CADM2: variants seen among roughly 807,000 people sequenced by gnomAD.
CADM2 encodes immunoglobulin superfamily member 4D.
Under a neutral mutation model 49.8 loss-of-function variants are expected in CADM2, and 12 were observed. The observed-to-expected ratio is 0.24, with a 90% CI of 0.15 to 0.39. The LOEUF is 0.39. Among genes scored for constraint, CADM2 ranks in the 10% least tolerant of loss-of-function variants. The pLI, the probability that CADM2 is intolerant of heterozygous loss-of-function variation, is 1.00. For missense variants in CADM2, 378 were observed against 492.3 expected (o/e 0.77, Z 2.20); for synonymous variants, 214 against 175.4 (o/e 1.22, Z -1.74).
intron 1 of CADM2, among the ~76,000 whole-genome samples, chr3:85,530,639 T>C (rs563752807): frequency 1.3e-5 from 2 of 152,084 alleles, no homozygotes; most frequent in South Asian, 4.1e-4. Context: ...CACTTTTCTA[T>C]ATAAATTACC....
At chr3:85,447,847 T>G (rs1396731628) in intron 1 of CADM2, among the ~76,000 whole-genome samples, 1 of 152,196 alleles carries the variant, frequency 6.6e-6, no homozygotes, top group African/African-American at 2.4e-5. Context: ...TAAAATGTAG[T>G]AACTAATTAT....
chr3:85,001,697 GC>G (rs1463251793), intron 1 of CADM2, among the ~76,000 whole-genome samples: 1 of 151,826 alleles, frequency 6.6e-6, no homozygotes, highest in Non-Finnish European at 1.5e-5. Flanking sequence ...GATATGAAAC[GC>G]CTTCTAAGAA....
intron 1 of CADM2, among the ~76,000 whole-genome samples, chr3:85,231,606 A>G (rs1310439471): frequency 6.6e-6 from 1 of 152,072 alleles, no homozygotes; most frequent in Non-Finnish European, 1.5e-5. Context: ...GCCCAGTTCT[A>G]AAAATAAAAG....
Position 85,374,075 on chromosome 3 carries a change from GT to G in CADM2, c.62-352437del, listed in dbSNP as rs369129919. Among the ~76,000 whole-genome samples, 113 of 149,064 alleles carry G rather than the reference GT, an allele frequency of 7.6e-4. 1 individual carries two copies. The highest frequency in any genetic ancestry group is 2.2e-3 in the African/African-American group (91 of 40,758). The stretch of plus-strand genomic sequence containing the variant: ...CAAACTTGATTTCTCCTCAGAAAAT[GT>G]TTTTTTTTTCTATTGCATCATCAGG... On this transcript the variant is annotated intron_variant, in intron 1 of 9. Coordinates refer to ENST00000383699, the MANE Select transcript of CADM2 (RefSeq NM_001167675.2).
chr3:85,554,869 T>G (rs1481000449), intron 1 of CADM2, among the ~76,000 whole-genome samples: 2 of 91,576 alleles, frequency 2.2e-5, no homozygotes, highest in African/African-American at 6.3e-5. Context: ...TTGACTTTAT[T>G]TTTTTTATTT....
At chr3:85,169,029 T>G (rs2040548876) in intron 1 of CADM2, among the ~76,000 whole-genome samples, 1 of 152,194 alleles carries the variant, frequency 6.6e-6, no homozygotes, top group South Asian at 2.1e-4. Context: ...CTCTGCTCAC[T>G]GCAATCTCCA....
rs552292428 is a variant in CADM2 at position 85,681,259 on chromosome 3, A to G, written c.62-45263A>G. Among the ~76,000 whole-genome samples, 4 of 152,274 alleles carry G rather than the reference A, an allele frequency of 2.6e-5. No individual in the cohort carries two copies. In the South Asian group the frequency reaches 6.2e-4, roughly 24 times the overall value. ...AGATGCATCATGAGATGACGTTACCATATAGAATACAGAGGCAGGTGTGAG... is the reference window on the plus strand; with the variant it reads ...AGATGCATCATGAGATGACGTTACCGTATAGAATACAGAGGCAGGTGTGAG... On this transcript the variant is annotated intron_variant, in intron 1 of 9. Transcript: ENST00000383699.
At chr3:86,046,140 C>A (rs1736649977) in intron 8 of CADM2, among the ~76,000 whole-genome samples, 1 of 151,984 alleles carries the variant, frequency 6.6e-6, no homozygotes, top group Admixed American at 6.6e-5. Context: ...AGTAAGAAGC[C>A]AGTTTGATAC....
chr3:85,589,580 A>G (rs1396758304), intron 1 of CADM2, among the ~76,000 whole-genome samples: 4 of 152,038 alleles, frequency 2.6e-5, no homozygotes, highest in Non-Finnish European at 5.9e-5. Context: ...CAGTGTATAA[A>G]TATGGTAACA....
intron 2 of CADM2, among the ~76,000 whole-genome samples, chr3:85,769,204 TATATACATATATAGTATATATACACAC>T (rs1559643809): frequency 8.6e-6 from 1 of 115,674 alleles, no homozygotes; most frequent in East Asian, 2.3e-4. Flanking sequence ...TATATACACA[TATATACATATATAGTATATATACACAC>T]ATATACACAT....
chr3:85,581,078 A>G (rs1000705879), intron 1 of CADM2, among the ~76,000 whole-genome samples: 3 of 152,082 alleles, frequency 2.0e-5, no homozygotes, highest in Admixed American at 2.0e-4. Context: ...AAATGTTCCC[A>G]TAGATTATTT....
At chr3:85,708,098 G>A (rs544804762) in intron 1 of CADM2, among the ~76,000 whole-genome samples, 214 of 152,216 alleles carry the variant, frequency 1.4e-3, no homozygotes, top group African/African-American at 4.6e-3. Context: ...GGTGATATCT[G>A]ATGTCTAGAT....
chr3:85,511,064 T>G (rs142822970), intron 1 of CADM2, among the ~76,000 whole-genome samples: 1 of 152,146 alleles, frequency 6.6e-6, no homozygotes, highest in East Asian at 1.9e-4. Flanking sequence ...TCAACTAATA[T>G]TTCACACGTT....
chr3:85,867,977 G>A, intron 3 of CADM2, among the ~76,000 whole-genome samples: 1 of 151,964 alleles, frequency 6.6e-6, no homozygotes, highest in East Asian at 1.9e-4. Context: ...CAGCTCTACA[G>A]CTTCAAATAG....
chr3:85,930,918 A>G (rs917863542), intron 6 of CADM2, among the ~76,000 whole-genome samples: 2 of 149,448 alleles, frequency 1.3e-5, no homozygotes, highest in African/African-American at 2.4e-5. Context: ...ATTAATAATT[A>G]TATTACTTAA....
chr3:85,319,429 A>G (rs1049560483), intron 1 of CADM2, among the ~76,000 whole-genome samples: 86 of 152,198 alleles, frequency 5.7e-4, no homozygotes, highest in African/African-American at 2.0e-3. Context: ...TCGACTTAAC[A>G]ATTCCATTAC....
chr3:85,167,947 C>T (rs2040516600), intron 1 of CADM2, among the ~76,000 whole-genome samples: 2 of 152,080 alleles, frequency 1.3e-5, no homozygotes, highest in Non-Finnish European at 2.9e-5. Flanking sequence ...CCCCAAATAA[C>T]TGTTAGACTC....
intron 1 of CADM2, among the ~76,000 whole-genome samples, chr3:85,067,857 A>G (rs545071891): frequency 9.8e-5 from 15 of 152,312 alleles, no homozygotes; most frequent in Middle Eastern, 6.8e-3. Context: ...GGGAGAAGTG[A>G]ATAAAATATA....
intron 1 of CADM2, among the ~76,000 whole-genome samples, chr3:85,419,283 G>A (rs972128166): frequency 2.1e-4 from 27 of 130,166 alleles, no homozygotes; most frequent in African/African-American, 6.5e-4. Context: ...TTGAAACCCC[G>A]TCTCTACTAA....
Sources: allele counts gnomAD v4.1 joint callset (sites outside exome capture counted in the v4.1 genomes callset), GRCh38; gene constraint gnomAD v4.1.1; transcripts MANE v1.5; gene names NCBI Gene and HGNC (gene_info 2026-07-23, HGNC 2026-07-21).